Variants in KIF9 observed in about 807,000 individuals in gnomAD.
KIF9 encodes kinesin family member 9.
In KIF9, 68 loss-of-function variants were observed where a neutral mutation model predicts 94.8. The observed-to-expected ratio is 0.72, with a 90% CI of 0.59 to 0.88. The LOEUF (loss-of-function observed/expected upper bound fraction) is 0.88. KIF9 is among the 40% of genes least tolerant of loss of function. KIF9 has a pLI of 0.00. For synonymous variants in KIF9, 343 were observed against 362.1 expected (o/e 0.95, Z 0.60); for missense variants, 882 against 982.5 (o/e 0.90, Z 1.37).
chr3:47,275,485 A>C lies in KIF9; in HGVS notation c.99T>G (p.Ile33Met), dbSNP rs898669376. ...MIRYGDDKRSIDIHLKKDIRR... is the reference protein window; with the variant it reads ...MIRYGDDKRSMDIHLKKDIRR... Reference sequence around the variant, plus strand: ...GAATGTCTTTTTTTAAGTGAATATCAATGCTCTAGGAAAAAAGAGTGAGAA... The same window carrying C: ...GAATGTCTTTTTTTAAGTGAATATCCATGCTCTAGGAAAAAAGAGTGAGAA... The change falls in exon 3 of 21, where the codon ATT becomes ATG. Residue 33 changes from isoleucine to methionine, a missense_variant. Physicochemically the swap from Ile to Met is conservative, Grantham distance 10. Transcript: ENST00000684063. 16 of 1,601,710 alleles carry C rather than the reference A, an allele frequency of 1.0e-5. No individual in the cohort carries two copies. The highest frequency in any genetic ancestry group is 1.4e-5 in the Non-Finnish European group (16 of 1,175,712).
At chr3:47,249,470 C>T (rs1242511545) in intron 10 of KIF9, among the ~76,000 whole-genome samples, 1 of 152,174 alleles carries the variant, frequency 6.6e-6, no homozygotes, top group Non-Finnish European at 1.5e-5. Context: ...TTGCTGCTTA[C>T]AAACAATGCT....
chr3:47,246,178 AGGGGTG>A lies in KIF9; in HGVS notation c.1289+13_1289+18del. On this transcript the variant is annotated intron_variant, in intron 13 of 20. Coordinates refer to ENST00000684063, the MANE Select transcript of KIF9 (RefSeq NM_182902.4). ...TGGCAGCCTGATGTAGGAATGAGGT[AGGGGTG>A]GGGGTCTCTCACCTCAGAACCACCC... is the stretch of plus-strand genomic sequence containing the variant. The A allele has an allele frequency of 6.2e-7, 1 of 1,607,200 alleles. No individual in the cohort carries two copies.
intron 17 of KIF9, among the ~76,000 whole-genome samples, chr3:47,237,245 T>G (rs549604995): frequency 6.2e-4 from 94 of 152,270 alleles, no homozygotes; most frequent in Middle Eastern, 6.8e-3. Flanking sequence ...AGGCATGTGC[T>G]ACCACGCCCA....
chr3:47,275,921 C>T (rs1701937936), intron 2 of KIF9, among the ~76,000 whole-genome samples: 1 of 152,160 alleles, frequency 6.6e-6, no homozygotes, highest in Non-Finnish European at 1.5e-5. Flanking sequence ...GGCAGTGAGG[C>T]CTCCCTCAGC....
chr3:47,267,753 C>T (rs1326268762), intron 5 of KIF9, among the ~76,000 whole-genome samples: 1 of 151,564 alleles, frequency 6.6e-6, no homozygotes, highest in Non-Finnish European at 1.5e-5. Flanking sequence ...ATAATAGTTG[C>T]TTCTGGGTTG....
At chr3:47,264,026 C>T in intron 9 of KIF9, 1 of 551,072 alleles carries the variant, frequency 1.8e-6, no homozygotes, top group South Asian at 1.6e-5. Context: ...AAAGCTGGCT[C>T]TCAGCCTCCC....
chr3:47,247,616 A>G (rs1700010115), intron 11 of KIF9, 139 bp from the exon 12 acceptor site: 1 of 678,014 alleles, frequency 1.5e-6, no homozygotes, highest in South Asian at 1.7e-5. Context: ...TCCCTTCATC[A>G]TCGGGTCCTG....
chr3:47,259,330 C>T (rs1260283643), intron 9 of KIF9, among the ~76,000 whole-genome samples: 1 of 152,214 alleles, frequency 6.6e-6, no homozygotes, highest in Non-Finnish European at 1.5e-5. Context: ...GTATACACTT[C>T]CCTCAGGGAC....
At chr3:47,245,080 T>A in intron 14 of KIF9, 156 bp from the exon 15 acceptor site, 1 of 991,562 alleles carries the variant, frequency 1.0e-6, no homozygotes, top group Non-Finnish European at 1.4e-6. Flanking sequence ...CTGTCCCCTG[T>A]AGAGCGGTCC....
At chr3:47,255,475 T>G (rs1199410878) in intron 10 of KIF9, among the ~76,000 whole-genome samples, 1 of 152,088 alleles carries the variant, frequency 6.6e-6, no homozygotes. Context: ...AGCCCTTAGC[T>G]CTAAGGAAAT....
intron 17 of KIF9, chr3:47,240,015 T>G: frequency 9.0e-7 from 1 of 1,106,684 alleles, no homozygotes; most frequent in Non-Finnish European, 1.2e-6. Context: ...AAAATGCAGG[T>G]CCTGGGCCCT....
At chr3:47,247,343 G>T (rs1033325331) in intron 12 of KIF9, 30 bp downstream of exon 12, 1 of 1,501,896 alleles carries the variant, frequency 6.7e-7, no homozygotes, top group East Asian at 2.3e-5. Flanking sequence ...CAGGCTGGCT[G>T]AGCATAGTGG....
chr3:47,237,906 G>C lies in KIF9; in HGVS notation c.1925-1287C>G, dbSNP rs191216812. Reference sequence around the variant, plus strand: ...CAATCTGCTGTGGTCTCTATGCTGTGGGAGGTCCCTGATGTGATTATTTGG... The same window carrying C: ...CAATCTGCTGTGGTCTCTATGCTGTCGGAGGTCCCTGATGTGATTATTTGG... On this transcript the variant is annotated intron_variant, in intron 17 of 20. Transcript: ENST00000684063. 1.6e-3 allele frequency among the ~76,000 whole-genome samples: 245 copies of C among 152,252 alleles called. 1 individual carries two copies. Among genetic ancestry groups the C allele is most frequent in the African/African-American group, 4.9e-3 (203 of 41,538 alleles).
At chr3:47,263,592 G>T in intron 9 of KIF9, 1 of 298,694 alleles carries the variant, frequency 3.3e-6, no homozygotes, top group Middle Eastern at 1.2e-3. Flanking sequence ...TATTACCTCT[G>T]CCAGGAATAC....
At chr3:47,264,415 G>C (rs1701169980) in intron 8 of KIF9, 65 bp from the exon 9 acceptor site, 1 of 1,313,478 alleles carries the variant, frequency 7.6e-7, no homozygotes, top group Admixed American at 1.7e-5. Flanking sequence ...AGGAGTTGAT[G>C]GGGTCTGTTA....
chr3:47,273,550 A>G lies in KIF9; in HGVS notation c.366+2T>C. ...CATCCCACCCTTGGGCCCACTCTCTACCTGCTGCAGGGCACGAGGGAGGAT... is the reference window on the plus strand; with the variant it reads ...CATCCCACCCTTGGGCCCACTCTCTGCCTGCTGCAGGGCACGAGGGAGGAT... On this transcript the variant is annotated splice_donor_variant, in intron 4 of 20. Transcript: ENST00000684063. LOFTEE classifies it high-confidence loss of function. The G allele has an allele frequency of 6.3e-7, 1 of 1,595,464 alleles. No individual in the cohort carries two copies. The highest frequency in any genetic ancestry group is 8.5e-7 in the Non-Finnish European group (1 of 1,169,752).
intron 1 of KIF9, chr3:47,282,084 TG>T: frequency 1.9e-6 from 1 of 516,558 alleles, no homozygotes; most frequent in Non-Finnish European, 2.5e-6. Flanking sequence ...GCGTGGAGCC[TG>T]GGCGGCAGTG....
intron 1 of KIF9, chr3:47,280,989 T>C (rs1702297974): frequency 1.4e-6 from 1 of 702,940 alleles, no homozygotes; most frequent in Non-Finnish European, 2.6e-6. Flanking sequence ...GTCGCTTCAT[T>C]TGAGTGGGTT....
At position 47,282,621 on chromosome 3, in the gene KIF9, A is replaced by G; in HGVS notation, c.-132T>C. 1 of 1,122,608 alleles carries G rather than the reference A, an allele frequency of 8.9e-7. No homozygotes were observed. Among genetic ancestry groups the G allele is most frequent in the South Asian group, 2.4e-5 (1 of 40,868 alleles). The allele number at this position is 1,122,608 out of a possible 1,614,324, so 69.5% of individuals were successfully genotyped here. ...AACGGGTCGCTTCCGGGGATTCCGGAAGTGTCGGGGTGGCGGAAATGAAGT... is the reference window on the plus strand; with the variant it reads ...AACGGGTCGCTTCCGGGGATTCCGGGAGTGTCGGGGTGGCGGAAATGAAGT... On this transcript the variant is annotated 5_prime_UTR_variant, in exon 1 of 21. Coordinates refer to ENST00000684063, the MANE Select transcript of KIF9 (RefSeq NM_182902.4).
Sources: gnomAD v4.1 joint callset for allele counts (sites outside exome capture counted in the v4.1 genomes callset) on GRCh38, gnomAD v4.1.1 for gene constraint, MANE v1.5 for transcripts, NCBI Gene and HGNC (gene_info 2026-07-23, HGNC 2026-07-21) for gene names.